Variants in SPATA13 observed in about 807,000 individuals in gnomAD.
SPATA13 encodes spermatogenesis associated 13, also known as spermatogenesis-associated protein 13.
A neutral mutation model predicts 104.0 loss-of-function variants in SPATA13; 50 were observed. The observed-to-expected ratio is 0.48, with a 90% CI of 0.38 to 0.61. The LOEUF (loss-of-function observed/expected upper bound fraction) is 0.61, where lower values mean the gene tolerates loss of function less well. Among genes scored for constraint, SPATA13 ranks in the 20% least tolerant of loss-of-function variants. The pLI is 0.00. For synonymous variants in SPATA13, 606 were observed against 667.5 expected (o/e 0.91, Z 1.42); for missense variants, 1,524 against 1,690.6 (o/e 0.90, Z 1.73).
At chr13:24,172,984 A>G (rs1399276522) in intron 1 of SPATA13, among the ~76,000 whole-genome samples, 1 of 152,212 alleles carries the variant, frequency 6.6e-6, no homozygotes, top group African/African-American at 2.4e-5. Flanking sequence ...TTTCATCAGC[A>G]TTGTACGGCT....
At chr13:24,257,095 C>T (rs980708551) in intron 4 of SPATA13, among the ~76,000 whole-genome samples, 6 of 152,168 alleles carry the variant, frequency 3.9e-5, no homozygotes, top group Admixed American at 2.0e-4. Context: ...TTCCTTTAAC[C>T]GGTCTGTTTA....
upstream of SPATA13, among the ~76,000 whole-genome samples, chr13:24,157,055 C>T (rs538947038): frequency 6.6e-6 from 1 of 152,328 alleles, no homozygotes; most frequent in South Asian, 2.1e-4. Context: ...AGTGACCTCC[C>T]AGCTCCTTTG....
At position 24,224,365 on chromosome 13, in the gene SPATA13, G is replaced by C. The variant is rs1410866385; in HGVS notation, c.1436G>C (p.Ser479Thr). 6.4e-7 allele frequency: 1 copy of C among 1,551,470 alleles called. No individual in the cohort carries two copies. The highest frequency in any genetic ancestry group is 8.7e-7 in the Non-Finnish European group (1 of 1,146,848). The change falls in exon 2 of 13, where the codon AGC (serine) becomes ACC (threonine). Residue 479 changes from serine (S) to threonine (T), a missense_variant. Physicochemically the swap from Ser to Thr is moderately conservative, Grantham distance 58. Around this residue, in one of 2 missense-constraint regions of SPATA13, gnomAD observed 1,089 missense variants for 1,135.9 expected, o/e 0.96. Coordinates refer to ENST00000382108, the MANE Select transcript of SPATA13 (RefSeq NM_001166271.3). ...CCCCAGAGCCCTCAGAGCCCCCAGA[G>C]CCCCGGGGCAGGAAGTGCCAGCTGT... Reference protein sequence around the residue: ...PKPQSPQSPQSPGAGSASCHS... With the variant: ...PKPQSPQSPQTPGAGSASCHS...
At chr13:24,278,719 A>T in intron 4 of SPATA13, 1 of 1,574,348 alleles carries the variant, frequency 6.4e-7, no homozygotes, top group Non-Finnish European at 8.6e-7. Context: ...TATCATCCAC[A>T]TTCAACAGGT....
chr13:24,214,654 G>T (rs1318237441), intron 1 of SPATA13, among the ~76,000 whole-genome samples: 1 of 152,126 alleles, frequency 6.6e-6, no homozygotes, highest in African/African-American at 2.4e-5. Flanking sequence ...TTGCTGAGAG[G>T]GATGCTCCCT....
intron 1 of SPATA13, among the ~76,000 whole-genome samples, chr13:23,982,850 G>A (rs74667933): frequency 0.013 from 2,033 of 152,276 alleles, 48 homozygotes; most frequent in African/African-American, 0.045. Context: ...CCAGGTACAC[G>A]TGTGAGCTTC....
chr13:24,053,732 T>C (rs916625265), intron 3 of SPATA13, among the ~76,000 whole-genome samples: 12 of 152,248 alleles, frequency 7.9e-5, no homozygotes, highest in African/African-American at 2.6e-4. Context: ...TTCTGTATGA[T>C]TTTGGGGCTG....
intron 3 of SPATA13, among the ~76,000 whole-genome samples, chr13:24,062,344 C>G (rs1270236454): frequency 6.6e-6 from 1 of 152,186 alleles, no homozygotes; most frequent in Non-Finnish European, 1.5e-5. Context: ...GACTAAAGGG[C>G]TGGGGGCAGG....
At chr13:23,996,012 A>C (rs1875671773) in intron 2 of SPATA13, among the ~76,000 whole-genome samples, 1 of 152,196 alleles carries the variant, frequency 6.6e-6, no homozygotes, top group Non-Finnish European at 1.5e-5. Context: ...AGACACAGAG[A>C]ACTCAGGTTG....
At chr13:24,226,084 G>C (rs1036937482) in intron 2 of SPATA13, among the ~76,000 whole-genome samples, 1 of 152,220 alleles carries the variant, frequency 6.6e-6, no homozygotes, top group East Asian at 1.9e-4. Flanking sequence ...TATAGGCTCA[G>C]AATGGAGGAA....
Position 24,290,840 on chromosome 13 carries a change from G to A in SPATA13, c.3036G>A (p.Pro1012=), listed in dbSNP as rs748574948. The A allele has an allele frequency of 1.7e-5, 27 of 1,614,020 alleles. No homozygotes were observed. The highest frequency in any genetic ancestry group is 3.3e-5 in the South Asian group (3 of 91,080). ...CAGTGCAGAAGATCTGCAAATACCC[G>A]CTGCAGCTGGCCGAGCTGCTCAAGT... The part of the protein sequence containing the change: ...LTPVQKICKY[P]LQLAELLKYT... The change falls in exon 9 of 13, where the codon CCG becomes CCA. Residue 1012 remains proline, a synonymous_variant. Coordinates refer to ENST00000382108, the MANE Select transcript of SPATA13 (RefSeq NM_001166271.3).
chr13:24,160,872 G>C lies in SPATA13; in HGVS notation c.-172G>C. 2.0e-6 allele frequency: 2 copies of C among 984,988 alleles called. No individual in the cohort carries two copies. Among genetic ancestry groups the C allele is most frequent in the African/African-American group, 1.7e-5 (1 of 57,354 alleles). The allele number at this position is 984,988 out of a possible 1,614,324, so 61.0% of individuals were successfully genotyped here. On this transcript the variant is annotated 5_prime_UTR_variant, in exon 1 of 13. Coordinates refer to ENST00000382108, the MANE Select transcript of SPATA13 (RefSeq NM_001166271.3). ...CTCCGCCGGCACCGGAGGTGGCTCT[G>C]AGGGCAGGGACGTGTTGGACACGCT...
At chr13:24,276,992 A>G (rs535510018) in intron 4 of SPATA13, among the ~76,000 whole-genome samples, 16 of 152,348 alleles carry the variant, frequency 1.1e-4, no homozygotes, top group African/African-American at 3.8e-4. Flanking sequence ...TTCGTAATTC[A>G]ATTGAACAAT....
chr13:24,284,387 ACT>A, intron 5 of SPATA13, 116 bp downstream of exon 5: 1 of 1,158,748 alleles, frequency 8.6e-7, no homozygotes, highest in Non-Finnish European at 1.2e-6. Context: ...AAAACCTGGA[ACT>A]CTGATTAAAA....
chr13:24,110,163 G>T (rs1467161313), intron 3 of SPATA13, among the ~76,000 whole-genome samples: 2 of 151,634 alleles, frequency 1.3e-5, no homozygotes, highest in African/African-American at 4.9e-5. Flanking sequence ...CTTTCCAGAG[G>T]AAGTGGGAGC....
At chr13:24,222,670 A>T in intron 1 of SPATA13, 149 bp from the exon 2 acceptor site, 1 of 622,980 alleles carries the variant, frequency 1.6e-6, no homozygotes, top group South Asian at 2.3e-5. Context: ...CAACTTATGA[A>T]GTGAATGGAG....
In SPATA13 at chr13:24,305,879, A is replaced by G. The variant is rs747602579; in HGVS notation, c.*3106A>G. ...ACCCTGCCGTAGATTAAAAGCAATTATAAAATCATAAAATTGAATGTTTGC... is the reference window on the plus strand; with the variant it reads ...ACCCTGCCGTAGATTAAAAGCAATTGTAAAATCATAAAATTGAATGTTTGC... On this transcript the variant is annotated 3_prime_UTR_variant, in exon 13 of 13. Transcript: ENST00000382108. The G allele has an allele frequency of 6.6e-6, 1 of 152,228 alleles. No homozygotes were observed. The highest frequency in any genetic ancestry group is 1.5e-5 in the Non-Finnish European group (1 of 68,048). The allele number at this position is 152,228 out of a possible 1,614,324, so 9.4% of individuals were successfully genotyped here.
intron 3 of SPATA13, among the ~76,000 whole-genome samples, chr13:24,066,404 A>G (rs1438847925): frequency 6.6e-6 from 1 of 152,096 alleles, no homozygotes; most frequent in African/African-American, 2.4e-5. Context: ...GATTTGCCCA[A>G]AGTCATACGG....
At chr13:24,163,082 G>A (rs4769333) in intron 1 of SPATA13, among the ~76,000 whole-genome samples, 134,471 of 152,218 alleles carry the variant, frequency 0.88, 60,680 homozygotes, top group East Asian at 0.99. Flanking sequence ...TTAGCCACAG[G>A]AAGCCCTGAA....
Sources: gnomAD v4.1 joint callset for allele counts (sites outside exome capture counted in the v4.1 genomes callset) on GRCh38, gnomAD v4.1.1 for gene constraint, gnomAD v4.1.1 regional missense constraint, MANE v1.5 for transcripts, NCBI Gene and HGNC (gene_info 2026-07-23, HGNC 2026-07-21) for gene names.